Variants in DNM2 observed in about 807,000 individuals in gnomAD.
DNM2 encodes the protein dynamin 2.
Under a neutral mutation model 99.0 loss-of-function variants are expected in DNM2, and 15 were observed. That is an observed-to-expected ratio of 0.15 (90% CI 0.10 to 0.23). DNM2 has a LOEUF of 0.23. Among genes scored for constraint, DNM2 ranks in the 10% least tolerant of loss-of-function variants. DNM2 has a pLI of 1.00. For missense variants in DNM2, 742 were observed against 1,189.4 expected (o/e 0.62, Z 5.53); for synonymous variants, 525 against 481.2 (o/e 1.09, Z -1.19).
rs2073350216 is a variant in DNM2, at chr19:10,831,645, G to GC, written c.*601dup. 2.0e-6 allele frequency: 2 copies of GC among 985,926 alleles called. No individual in the cohort carries two copies. Among genetic ancestry groups the GC allele is most frequent in the African/African-American group, 1.7e-5 (1 of 57,218 alleles). 61.1% of individuals were successfully genotyped at this position (985,926 alleles called of 1,614,324 possible). On this transcript the variant is annotated 3_prime_UTR_variant, in exon 21 of 21. Coordinates refer to ENST00000389253, the MANE Select transcript of DNM2 (RefSeq NM_001005361.3). The surrounding 1 kb of genome is among the most constrained non-coding windows in gnomAD (Gnocchi z 4.3). ...GCCTTTGCTAGGCCCGGAGCCGTTG[G>GC]CCCGGGCCGGCCTTGCCCTATTCCT... is the stretch of plus-strand genomic sequence containing the variant.
intron 1 of DNM2, among the ~76,000 whole-genome samples, chr19:10,758,287 TTCCTTCCCTCCC>T (rs2070472054): frequency 1.5e-5 from 2 of 133,604 alleles, no homozygotes; most frequent in African/African-American, 5.7e-5. Context: ...CCCTCCCTCC[TTCCTTCCCTCCC>T]TCCTTCCCTC....
Position 10,812,098 on chromosome 19 carries a change from T to C in DNM2, c.1558-166T>C. On this transcript the variant is annotated intron_variant, in intron 14 of 20. Coordinates refer to ENST00000389253, the MANE Select transcript of DNM2 (RefSeq NM_001005361.3). This position sits in a 1 kb window ranked among gnomAD's most constrained non-coding sequence, Gnocchi z 4.0. ...GTGGCGCCTCATGTTGGTTTCCTGCTGGAAATGCTTGGGACAGGGTGGAAC... is the reference window on the plus strand; with the variant it reads ...GTGGCGCCTCATGTTGGTTTCCTGCCGGAAATGCTTGGGACAGGGTGGAAC... 1 of 605,366 alleles carries C rather than the reference T, an allele frequency of 1.7e-6. No individual in the cohort carries two copies. The highest frequency in any genetic ancestry group is 3.0e-6 in the Non-Finnish European group (1 of 328,924). 37.5% of individuals were successfully genotyped at this position (605,366 alleles called of 1,614,324 possible).
intron 1 of DNM2, among the ~76,000 whole-genome samples, chr19:10,749,238 G>A (rs1263859787): frequency 1.2e-4 from 18 of 152,182 alleles, no homozygotes; most frequent in Admixed American, 2.6e-4. Context: ...GCACGTAGCC[G>A]TCCCCACCCT....
At position 10,765,160 on chromosome 19, in the gene DNM2, G is replaced by C. The variant is rs972453386; in HGVS notation, c.235+5349G>C. Among the ~76,000 whole-genome samples, 1 of 151,928 alleles carries C rather than the reference G, an allele frequency of 6.6e-6. No homozygotes were observed. Among genetic ancestry groups the C allele is most frequent in the Non-Finnish European group, 1.5e-5 (1 of 67,976 alleles). ...TGCTTAGTAGAGACGGGGTTTCACC[G>C]TGTTAGCCAGGATGGTCTCGATCTC... On this transcript the variant is annotated intron_variant, in intron 2 of 20. Coordinates refer to ENST00000389253, the MANE Select transcript of DNM2 (RefSeq NM_001005361.3). This position sits in a 1 kb window ranked among gnomAD's most constrained non-coding sequence, Gnocchi z 4.4.
rs1324140428 is a variant in DNM2, at chr19:10,764,377, G to C, written c.235+4566G>C. 6.6e-6 allele frequency among the ~76,000 whole-genome samples: 1 copy of C among 152,180 alleles called. No individual in the cohort carries two copies. Among genetic ancestry groups the C allele is most frequent in the East Asian group, 1.9e-4 (1 of 5,184 alleles). On this transcript the variant is annotated intron_variant, in intron 2 of 20. Coordinates refer to ENST00000389253, the MANE Select transcript of DNM2 (RefSeq NM_001005361.3). The surrounding 1 kb of genome is among the most constrained non-coding windows in gnomAD (Gnocchi z 4.1). The stretch of plus-strand genomic sequence containing the variant: ...CAGCCCACGTTCCCCTCTGGTTCCC[G>C]CAGCTTGCCCTCATTCCAGCCATCC...
At chr19:10,759,575 G>T in intron 1 of DNM2, 163 bp from the exon 2 acceptor site, 1 of 808,594 alleles carries the variant, frequency 1.2e-6, no homozygotes, top group Admixed American at 1.8e-5. Context: ...TCAGGCCTCA[G>T]GACCCTCCAA....
intron 1 of DNM2, among the ~76,000 whole-genome samples, chr19:10,731,953 ATTTT>A (rs1393753614): frequency 7.5e-6 from 1 of 132,500 alleles, no homozygotes. Context: ...CACAGGCTTG[ATTTT>A]TTTTTTTTTT....
At position 10,746,727 on chromosome 19, in the gene DNM2, G is replaced by GTTTTTTTTTTTTTTTTTTTT. The variant is rs757494612; in HGVS notation, c.162-13005_162-13004insTTTTTTTTTTTTTTTTTTTT. Among the ~76,000 whole-genome samples the GTTTTTTTTTTTTTTTTTTTT allele has an allele frequency of 2.6e-5, 3 of 116,210 alleles. 1 individual carries two copies. The highest frequency in any genetic ancestry group is 3.3e-5 in the Non-Finnish European group (2 of 60,032). The allele number at this position is 116,210 out of a possible 152,430, so 76.2% of individuals were successfully genotyped here. On this transcript the variant is annotated intron_variant, in intron 1 of 20. Transcript: ENST00000389253. ...GAGCAACCGTGCCGGCTTTTTTTTTGTTTTTTGTTTTTTTTTTTTTTGAGA... is the reference window on the plus strand; with the variant it reads ...GAGCAACCGTGCCGGCTTTTTTTTTGTTTTTTTTTTTTTTTTTTTTTTTTTTGTTTTTTTTTTTTTTGAGA...
chr19:10,742,148 A>G (rs545508552), intron 1 of DNM2, among the ~76,000 whole-genome samples: 2 of 151,882 alleles, frequency 1.3e-5, no homozygotes, highest in Non-Finnish European at 2.9e-5. Flanking sequence ...GGTTATTTCT[A>G]GTTTTTCCCC....
In DNM2 at chr19:10,718,146, G is replaced by C. The variant is rs1049847532; in HGVS notation, c.-97G>C. ...GGGCGTCTTGCCGAGGCCCGGGCGG[G>C]CGGGGAGCAACGGCTACAGACGCCG... On this transcript the variant is annotated 5_prime_UTR_variant, in exon 1 of 21. Coordinates refer to ENST00000389253, the MANE Select transcript of DNM2 (RefSeq NM_001005361.3). 4.9e-6 allele frequency: 6 copies of C among 1,235,754 alleles called. No individual in the cohort carries two copies. The highest frequency in any genetic ancestry group is 6.1e-6 in the Non-Finnish European group (6 of 981,126). The allele number at this position is 1,235,754 out of a possible 1,614,324, so 76.5% of individuals were successfully genotyped here. A position where few individuals can be genotyped will look rare whatever the true frequency, so the allele number is the denominator to read the frequency against.
intron 18 of DNM2, 152 bp from the exon 19 acceptor site, chr19:10,828,884 C>T: frequency 4.0e-6 from 3 of 751,774 alleles, no homozygotes; most frequent in Non-Finnish European, 6.7e-6. Flanking sequence ...GAAATTGAGC[C>T]ACTGTACTCC....
intron 18 of DNM2, among the ~76,000 whole-genome samples, chr19:10,826,121 T>C (rs903964289): frequency 2.0e-5 from 3 of 152,070 alleles, no homozygotes; most frequent in African/African-American, 7.2e-5. Context: ...AACCCTAGGG[T>C]TTCCGAGCCA....
In DNM2 at chr19:10,789,497, G is replaced by A. The variant is rs559105614; in HGVS notation, c.992+2791G>A. On this transcript the variant is annotated intron_variant, in intron 7 of 20. Transcript: ENST00000389253. ...TTAAAGCCAGGAGTTTGAGACCAGCGTGAGCAACAAAGTGGGATCCTGTCT... is the reference window on the plus strand; with the variant it reads ...TTAAAGCCAGGAGTTTGAGACCAGCATGAGCAACAAAGTGGGATCCTGTCT... Among the ~76,000 whole-genome samples the A allele has an allele frequency of 1.3e-4, 20 of 151,700 alleles. No homozygotes were observed. In the South Asian group the frequency reaches 4.0e-3, roughly 30 times the overall value.
intron 7 of DNM2, among the ~76,000 whole-genome samples, chr19:10,789,044 A>G (rs991998367): frequency 6.6e-6 from 1 of 152,184 alleles, no homozygotes; most frequent in South Asian, 2.1e-4. Flanking sequence ...TTCAGGAGGA[A>G]ATTCATAGCC....
At chr19:10,730,134 G>C (rs896204470) in intron 1 of DNM2, among the ~76,000 whole-genome samples, 2 of 152,114 alleles carry the variant, frequency 1.3e-5, no homozygotes, top group African/African-American at 4.8e-5. Context: ...AAAGTACTGG[G>C]ATTGTAGACA....
intron 1 of DNM2, among the ~76,000 whole-genome samples, chr19:10,739,874 A>AG (rs958367791): frequency 2.0e-5 from 3 of 151,106 alleles, no homozygotes; most frequent in African/African-American, 7.3e-5. Flanking sequence ...AAAAAAAAAA[A>AG]AAAAAAAAAA....
intron 8 of DNM2, among the ~76,000 whole-genome samples, chr19:10,794,447 T>G (rs1271132273): frequency 2.0e-5 from 3 of 150,140 alleles, no homozygotes; most frequent in Admixed American, 2.0e-4. Context: ...ACAAACAGTT[T>G]TTTAAAATCA....
At chr19:10,771,185 A>G (rs145394297) in intron 2 of DNM2, among the ~76,000 whole-genome samples, 2 of 152,142 alleles carry the variant, frequency 1.3e-5, no homozygotes, top group African/African-American at 2.4e-5. Flanking sequence ...AAATTCGAAC[A>G]TCTGGAAACG....
intron 1 of DNM2, among the ~76,000 whole-genome samples, chr19:10,747,029 A>G (rs1337637050): frequency 6.8e-6 from 1 of 146,190 alleles, no homozygotes; most frequent in Non-Finnish European, 1.5e-5. Context: ...GAGCCACCGC[A>G]CTCAACCAAT....
Sources: allele counts gnomAD v4.1 joint callset (sites outside exome capture counted in the v4.1 genomes callset), GRCh38; gene constraint gnomAD v4.1.1; non-coding constraint Gnocchi (gnomAD v3.1); transcripts MANE v1.5; gene names NCBI Gene and HGNC (gene_info 2026-07-23, HGNC 2026-07-21).